The following PSMC3 variants were observed in gnomAD, a reference collection of about 807,000 sequenced individuals.
PSMC3 encodes the protein proteasome 26S subunit, ATPase 3.
A neutral mutation model predicts 52.0 loss-of-function variants in PSMC3; 11 were observed. That is an observed-to-expected ratio of 0.21 (90% CI 0.13 to 0.35). The LOEUF is 0.35. Among genes scored for constraint, PSMC3 ranks in the 10% least tolerant of loss-of-function variants. The pLI, the probability that PSMC3 is intolerant of heterozygous loss-of-function variation, is 1.00. For missense variants in PSMC3, 238 were observed against 567.1 expected (o/e 0.42, Z 5.89); for synonymous variants, 201 against 218.8 (o/e 0.92, Z 0.72).
intron 1 of PSMC3, 123 bp downstream of exon 1, chr11:47,426,082 T>C: frequency 7.1e-7 from 1 of 1,416,278 alleles, no homozygotes; most frequent in South Asian, 1.2e-5. Context: ...CCTGCCCACA[T>C]CCCAAACAAC....
rs1339232570 is a variant in PSMC3, at chr11:47,424,713, T to C, written c.286-2A>G. On this transcript the variant is annotated splice_acceptor_variant, in intron 3 of 11. Transcript: ENST00000298852. LOFTEE classifies it high-confidence loss of function. This position sits in a 1 kb window ranked among gnomAD's most constrained non-coding sequence, Gnocchi z 4.8. ...GTCATTAGGATCAACATCCAGGAGC[T>C]GGGAAGGAAAAAATACTCAGCTCCT... The C allele has an allele frequency of 6.2e-7, 1 of 1,607,938 alleles. No homozygotes were observed. Among genetic ancestry groups the C allele is most frequent in the East Asian group, 2.2e-5 (1 of 44,868 alleles).
chr11:47,424,141 TG>T lies in PSMC3; in HGVS notation c.495del (p.Thr166GlnfsTer7). The T allele has an allele frequency of 6.2e-7, 1 of 1,614,182 alleles. No individual in the cohort carries two copies. Among genetic ancestry groups the T allele is most frequent in the Non-Finnish European group, 8.5e-7 (1 of 1,180,034 alleles). ...GCCTTCACCCGCGAGTCATACTCTG[TG>T]GGCAGCGTCTCCAGGATCAGATAGG... is the stretch of plus-strand genomic sequence containing the variant. ...KDSYLILETL[P>X]TEYDSRVKAM... On this transcript the variant is annotated frameshift_variant, in exon 6 of 12. Transcript: ENST00000298852. LOFTEE classifies it high-confidence loss of function. This position sits in a 1 kb window ranked among gnomAD's most constrained non-coding sequence, Gnocchi z 4.8.
At chr11:47,419,300 C>G in intron 10 of PSMC3, 103 bp from the exon 11 acceptor site, 2 of 1,254,088 alleles carry the variant, frequency 1.6e-6, no homozygotes, top group South Asian at 1.2e-5. Context: ...TCAAGTTGCC[C>G]TGTGATCAGA....
At position 47,426,233 on chromosome 11, in the gene PSMC3, T is replaced by A. The variant is rs956664663; in HGVS notation, c.47A>T (p.Lys16Met). The change falls in exon 1 of 12, where the codon AAG (lysine) becomes ATG (methionine). Residue 16 changes from lysine to methionine, a missense_variant. Lys to Met is a moderately conservative substitution (Grantham distance 95). Around this residue, in one of 6 missense-constraint regions of PSMC3, gnomAD observed 48 missense variants for 63.4 expected, o/e 0.76. Transcript: ENST00000298852. ...NIESPVTRQE[K>M]MATVWDEAEQ... ...GGCCTCATCCCACACGGTCGCCATCTTCTCCTGCCGAGTCACTGGACTCTC... is the reference window on the plus strand; with the variant it reads ...GGCCTCATCCCACACGGTCGCCATCATCTCCTGCCGAGTCACTGGACTCTC... 6.4e-7 allele frequency: 1 copy of A among 1,560,370 alleles called. No individual in the cohort carries two copies. Among genetic ancestry groups the A allele is most frequent in the Non-Finnish European group, 8.7e-7 (1 of 1,152,814 alleles).
At chr11:47,420,520 G>A (rs555763835) in intron 9 of PSMC3, 111 bp from the exon 10 acceptor site, 122 of 1,514,804 alleles carry the variant, frequency 8.1e-5, no homozygotes, top group Non-Finnish European at 1.1e-4. Context: ...CACATGGGAT[G>A]TTAAAGACAG....
At chr11:47,425,668 C>T in intron 2 of PSMC3, 199 bp downstream of exon 2, 1 of 571,172 alleles carries the variant, frequency 1.8e-6, no homozygotes, top group Non-Finnish European at 3.1e-6. Context: ...TCATCTCAGC[C>T]CAGGCCTCCC....
In PSMC3 at chr11:47,419,029, C is replaced by T. The variant is rs567444719; in HGVS notation, c.1210-84G>A. ...TGAGGCTCAGGCCTCTTCCCTCAGC[C>T]GTCTCCACCAGCCAAATGCCCCCAT... On this transcript the variant is annotated intron_variant, in intron 11 of 11. Coordinates refer to ENST00000298852, the MANE Select transcript of PSMC3 (RefSeq NM_002804.5). 1.0e-4 allele frequency: 168 copies of T among 1,606,286 alleles called. 1 individual carries two copies. The highest frequency in any genetic ancestry group is 8.8e-4 in the South Asian group (80 of 90,890).
Position 47,425,014 on chromosome 11 carries a change from T to G in PSMC3, c.285+107A>C, listed in dbSNP as rs1443488962. ...TGCCCCAGGAGGTGTAGCTCTGACA[T>G]GCAGTTTGGCCTCAATACCTCCACC... is the stretch of plus-strand genomic sequence containing the variant. On this transcript the variant is annotated intron_variant, in intron 3 of 11. Transcript: ENST00000298852. 6 of 1,499,178 alleles carry G rather than the reference T, an allele frequency of 4.0e-6. No homozygotes were observed. The East Asian group carries it at 1.1e-4, about 28-fold the overall frequency. The allele number at this position is 1,499,178 out of a possible 1,614,324, so 92.9% of individuals were successfully genotyped here. A position where few individuals can be genotyped will look rare whatever the true frequency, so the allele number is the denominator to read the frequency against.
chr11:47,421,871 C>T (rs956547987), intron 8 of PSMC3, among the ~76,000 whole-genome samples: 5 of 151,794 alleles, frequency 3.3e-5, no homozygotes, highest in African/African-American at 7.3e-5. Flanking sequence ...AGGCTGGTCT[C>T]GAATTCCTGA....
Position 47,422,823 on chromosome 11 carries a change from T to C in PSMC3, c.735+7A>G. 1.2e-6 allele frequency: 2 copies of C among 1,604,964 alleles called. No individual in the cohort carries two copies. Among genetic ancestry groups the C allele is most frequent in the Non-Finnish European group, 1.7e-6 (2 of 1,173,612 alleles). ...CACTTCCCCCGCATCCCTCCCAAAG[T>C]ACTCACCTTAGTCTGTGCGGCACAG... On this transcript the variant is annotated splice_region_variant and intron_variant, in intron 7 of 11. Coordinates refer to ENST00000298852, the MANE Select transcript of PSMC3 (RefSeq NM_002804.5). The surrounding 1 kb of genome is among the most constrained non-coding windows in gnomAD (Gnocchi z 4.3).
Position 47,425,235 on chromosome 11 carries a change from A to G in PSMC3, c.171T>C (p.Ser57=). ...LLDSEIKIMK[S]EVLRVTHELQ... is the part of the protein sequence containing the mutation. The stretch of plus-strand genomic sequence containing the variant: ...GCTCATGGGTGACTCTCAACACTTC[A>G]CTCTTCATGATCTGAGATCAGGAGG... Residue 57 remains serine (S), a synonymous_variant, in exon 3 of 12, where the codon AGT becomes AGC. Coordinates refer to ENST00000298852, the MANE Select transcript of PSMC3 (RefSeq NM_002804.5). 1.2e-6 allele frequency: 2 copies of G among 1,613,568 alleles called. No individual in the cohort carries two copies. The highest frequency in any genetic ancestry group is 1.1e-5 in the South Asian group (1 of 91,044).
At position 47,424,575 on chromosome 11, in the gene PSMC3, C is replaced by T. The variant is rs2096044288; in HGVS notation, c.390+32G>A. On this transcript the variant is annotated intron_variant, in intron 4 of 11. Transcript: ENST00000298852. This position sits in a 1 kb window ranked among gnomAD's most constrained non-coding sequence, Gnocchi z 4.8. ...CTGTCCCACATCCGCTCCTCACCCT[C>T]CTCCAGTCTCTCATTGCTGAGCCAC... 1 of 1,606,198 alleles carries T rather than the reference C, an allele frequency of 6.2e-7. No homozygotes were observed. The highest frequency in any genetic ancestry group is 8.5e-7 in the Non-Finnish European group (1 of 1,172,846).
chr11:47,424,058 C>T lies in PSMC3; in HGVS notation c.579G>A (p.Lys193=). ...GTGCCTCCCTCACCTCCTGGATCTG[C>T]TTGTCCAAACCCCCAATGTCACTGT... ...EQYSDIGGLD[K]QIQELVEAIV... The change falls in exon 6 of 12, where the codon AAG becomes AAA. Residue 193 remains lysine (K), a synonymous_variant. Coordinates refer to ENST00000298852, the MANE Select transcript of PSMC3 (RefSeq NM_002804.5). The surrounding 1 kb of genome is among the most constrained non-coding windows in gnomAD (Gnocchi z 4.8). 1 of 1,614,182 alleles carries T rather than the reference C, an allele frequency of 6.2e-7. No individual in the cohort carries two copies. The highest frequency in any genetic ancestry group is 1.7e-5 in the Admixed American group (1 of 60,020).
intron 10 of PSMC3, 112 bp from the exon 11 acceptor site, chr11:47,419,309 G>A: frequency 9.0e-7 from 1 of 1,110,058 alleles, no homozygotes; most frequent in Non-Finnish European, 1.3e-6. Flanking sequence ...CCTGTGATCA[G>A]AGGCAAGTCC....
intron 6 of PSMC3, among the ~76,000 whole-genome samples, chr11:47,423,339 C>T (rs1157140942): frequency 2.0e-5 from 3 of 150,492 alleles, no homozygotes; most frequent in African/African-American, 2.5e-5. Flanking sequence ...ACGCGGAGCT[C>T]GTAGTGAGCC....
Position 47,425,938 on chromosome 11 carries a change from C to T in PSMC3, c.88G>A (p.Gly30Arg), listed in dbSNP as rs1174925152. The change falls in exon 2 of 12, where the codon GGG becomes AGG. Residue 30 changes from glycine to arginine, a missense_variant. Gly to Arg is a moderately radical substitution (Grantham distance 125). Around this residue, in one of 6 missense-constraint regions of PSMC3, gnomAD observed 48 missense variants for 63.4 expected, o/e 0.76. Coordinates refer to ENST00000298852, the MANE Select transcript of PSMC3 (RefSeq NM_002804.5). Reference protein sequence around the residue: ...VWDEAEQDGIGEEVLKMSTEE... With the variant: ...VWDEAEQDGIREEVLKMSTEE... ...GTGGACATCTTGAGCACCTCCTCCC[C>T]AATTCCATCTTGCTGTAAAAAATTA... 8 of 1,613,114 alleles carry T rather than the reference C, an allele frequency of 5.0e-6. No individual in the cohort carries two copies. The highest frequency in any genetic ancestry group is 6.8e-6 in the Non-Finnish European group (8 of 1,179,150).
At chr11:47,420,186 A>T in intron 10 of PSMC3, 78 bp downstream of exon 10, 1 of 1,546,542 alleles carries the variant, frequency 6.5e-7, no homozygotes, top group Non-Finnish European at 8.9e-7. Flanking sequence ...GCTGGGGAAG[A>T]TCAGTACAGA....
chr11:47,422,394 G>A lies in PSMC3; in HGVS notation c.884+180C>T, dbSNP rs982975010. On this transcript the variant is annotated intron_variant, in intron 8 of 11. Coordinates refer to ENST00000298852, the MANE Select transcript of PSMC3 (RefSeq NM_002804.5). This position sits in a 1 kb window ranked among gnomAD's most constrained non-coding sequence, Gnocchi z 4.3. The stretch of plus-strand genomic sequence containing the variant: ...TGGCAGCTGTGGGAATGAATGGCTG[G>A]GGAAACAGGGAGGCTATTGATCAGG... Among the ~76,000 whole-genome samples, 3 of 152,114 alleles carry A rather than the reference G, an allele frequency of 2.0e-5. No homozygotes were observed. The highest frequency in any genetic ancestry group is 2.9e-5 in the Non-Finnish European group (2 of 68,018).
rs1244911058 is a variant in PSMC3, at chr11:47,424,321, A to G, written c.453+108T>C. The G allele has an allele frequency of 2.6e-6, 4 of 1,555,756 alleles. No individual in the cohort carries two copies. In the Admixed American group the frequency reaches 5.1e-5, roughly 20 times the overall value. On this transcript the variant is annotated intron_variant, in intron 5 of 11. Coordinates refer to ENST00000298852, the MANE Select transcript of PSMC3 (RefSeq NM_002804.5). The surrounding 1 kb of genome is among the most constrained non-coding windows in gnomAD (Gnocchi z 4.8). ...AAACAGCAAGTAGACAGAATCCCAG[A>G]CTCTCGGAGCTGTTCTGCCAAGATT...
Sources: gnomAD v4.1 joint callset for allele counts (sites outside exome capture counted in the v4.1 genomes callset) on GRCh38, gnomAD v4.1.1 for gene constraint, gnomAD v4.1.1 regional missense constraint, Gnocchi (gnomAD v3.1) non-coding constraint, MANE v1.5 for transcripts, NCBI Gene and HGNC (gene_info 2026-07-23, HGNC 2026-07-21) for gene names.